Variants in CFDP1 observed in about 807,000 individuals in gnomAD.
CFDP1 encodes the protein chromatin remodeling protein CFDP1.
A neutral mutation model predicts 40.1 loss-of-function variants in CFDP1; 31 were observed. The observed-to-expected ratio is 0.77, with a 90% confidence interval of 0.58 to 1.04. The LOEUF is 1.04. CFDP1 is among the 50% of genes least tolerant of loss of function. The probability of loss-of-function intolerance (pLI) is 0.00; values close to 1 mark genes in which losing one functional copy is unlikely to be tolerated. For synonymous variants in CFDP1, 167 were observed against 120.0 expected, an observed-to-expected ratio of 1.39 and a Z score of -2.56; for missense variants, 423 against 343.4, an observed-to-expected ratio of 1.23 and a Z score of -1.83.
chr16:75,411,335 C>T (rs935365213), intron 4 of CFDP1, among the ~76,000 whole-genome samples: 6 of 152,042 alleles, frequency 3.9e-5, no homozygotes, highest in Admixed American at 2.0e-4. Context: ...AACTGGGACC[C>T]GGGAGGCAGA....
intron 5 of CFDP1, among the ~76,000 whole-genome samples, chr16:75,387,999 G>C (rs10514394): frequency 0.036 from 5,450 of 152,260 alleles, 324 homozygotes; most frequent in African/African-American, 0.12. Context: ...TGAAATTGAG[G>C]AGAGACTCTT....
intron 5 of CFDP1, among the ~76,000 whole-genome samples, chr16:75,350,285 A>G (rs944692163): frequency 1.3e-5 from 2 of 152,142 alleles, no homozygotes; most frequent in Non-Finnish European, 2.9e-5. Flanking sequence ...ATACAGCTCT[A>G]TGTTTAACTT....
At chr16:75,347,359 A>AAAAAAAAAAAAAAAAG (rs1555556963) in intron 5 of CFDP1, among the ~76,000 whole-genome samples, 5 of 53,654 alleles carry the variant, frequency 9.3e-5, no homozygotes, top group Non-Finnish European at 1.3e-4. Context: ...AAAAAAAAAA[A>AAAAAAAAAAAAAAAAG]AAAAAGAAAA....
At chr16:75,332,685 AAG>A (rs2078454724) in intron 5 of CFDP1, among the ~76,000 whole-genome samples, 1 of 151,356 alleles carries the variant, frequency 6.6e-6, no homozygotes, top group African/African-American at 2.4e-5. Flanking sequence ...AGGAGAAAAA[AAG>A]AGTTGTCTAT....
intron 5 of CFDP1, among the ~76,000 whole-genome samples, chr16:75,313,945 T>C (rs1349372311): frequency 6.6e-6 from 1 of 152,088 alleles, no homozygotes; most frequent in Non-Finnish European, 1.5e-5. Context: ...AGTGCAGTGG[T>C]GCAATCTTGG....
chr16:75,342,065 C>G (rs1463585678), intron 5 of CFDP1, among the ~76,000 whole-genome samples: 1 of 152,120 alleles, frequency 6.6e-6, no homozygotes, highest in South Asian at 2.1e-4. Context: ...AAGGATGTAC[C>G]TCATCCCTGA....
At chr16:75,426,654 C>T (rs969734284) in intron 1 of CFDP1, among the ~76,000 whole-genome samples, 1 of 151,330 alleles carries the variant, frequency 6.6e-6, no homozygotes, top group Non-Finnish European at 1.5e-5. Context: ...CCAGCCTGGG[C>T]AACAGAGCAA....
At chr16:75,349,690 A>AATATATATATATATATATATAT (rs67126172) in intron 5 of CFDP1, among the ~76,000 whole-genome samples, 387 of 13,052 alleles carry the variant, frequency 0.03, 52 homozygotes, top group East Asian at 0.05. Flanking sequence ...AAAAAAAAAA[A>AATATATATATATATATATATAT]ATATATATAC....
At chr16:75,299,299 C>G (rs1460362618) in intron 6 of CFDP1, among the ~76,000 whole-genome samples, 2 of 152,180 alleles carry the variant, frequency 1.3e-5, no homozygotes, top group African/African-American at 4.8e-5. Context: ...TAATTCTAAT[C>G]CTACTTGGCC....
At chr16:75,414,776 C>G in intron 1 of CFDP1, 81 bp from the exon 2 acceptor site, 2 of 845,486 alleles carry the variant, frequency 2.4e-6, no homozygotes, top group Admixed American at 2.2e-5. Flanking sequence ...TACAAGCTTT[C>G]ACACCGAGAC....
At chr16:75,382,303 C>G (rs11859663) in intron 5 of CFDP1, among the ~76,000 whole-genome samples, 3,876 of 152,198 alleles carry the variant, frequency 0.025, 170 homozygotes, top group African/African-American at 0.087. Flanking sequence ...TGTCACAGAC[C>G]TTCCCTAGTA....
intron 5 of CFDP1, among the ~76,000 whole-genome samples, chr16:75,361,338 C>T (rs763696449): frequency 2.6e-5 from 4 of 152,100 alleles, no homozygotes; most frequent in South Asian, 2.1e-4. Context: ...AATTTAAAGC[C>T]GGGCGCGGTG....
intron 5 of CFDP1, among the ~76,000 whole-genome samples, chr16:75,309,904 A>G (rs1259150393): frequency 1.3e-5 from 2 of 151,478 alleles, no homozygotes; most frequent in Admixed American, 6.6e-5. Context: ...CCTAAGCCAT[A>G]GGGCAAGGTA....
chr16:75,328,684 A>G (rs1005687289), intron 5 of CFDP1, among the ~76,000 whole-genome samples: 1 of 143,390 alleles, frequency 7.0e-6, no homozygotes. Flanking sequence ...AATAAGCATA[A>G]TTTTTTTTTT....
chr16:75,376,030 G>C (rs1353158866), intron 5 of CFDP1, among the ~76,000 whole-genome samples: 1 of 151,940 alleles, frequency 6.6e-6, no homozygotes, highest in African/African-American at 2.4e-5. Context: ...CTGCAACATG[G>C]GGAGACCCCA....
chr16:75,370,521 C>T (rs904609337), intron 5 of CFDP1, among the ~76,000 whole-genome samples: 4 of 152,122 alleles, frequency 2.6e-5, no homozygotes, highest in African/African-American at 7.2e-5. Context: ...CAAACCTGCA[C>T]GTTGTGCACA....
intron 1 of CFDP1, among the ~76,000 whole-genome samples, chr16:75,416,777 T>G (rs2079211232): frequency 6.6e-6 from 1 of 151,804 alleles, no homozygotes; most frequent in South Asian, 2.1e-4. Context: ...TTAAAAAATT[T>G]TTTAAAGGCG....
At chr16:75,332,596 G>T (rs2078454078) in intron 5 of CFDP1, among the ~76,000 whole-genome samples, 1 of 151,918 alleles carries the variant, frequency 6.6e-6, no homozygotes, top group South Asian at 2.1e-4. Flanking sequence ...AAGCCCGAGA[G>T]GTTGAGGCTG....
intron 5 of CFDP1, among the ~76,000 whole-genome samples, chr16:75,375,191 AG>A (rs2078783051): frequency 6.6e-6 from 1 of 152,184 alleles, no homozygotes; most frequent in Non-Finnish European, 1.5e-5. Flanking sequence ...GGACACAAAA[AG>A]CACTAACTGT....
Sources: gnomAD v4.1 joint callset for allele counts (sites outside exome capture counted in the v4.1 genomes callset) on GRCh38, gnomAD v4.1.1 for gene constraint, MANE v1.5 for transcripts, NCBI Gene and HGNC (gene_info 2026-07-23, HGNC 2026-07-21) for gene names.